The following CPOX variants were observed in gnomAD, a reference collection of about 807,000 sequenced individuals.
CPOX encodes coproporphyrinogen oxidase, also known as oxygen-dependent coproporphyrinogen-III oxidase, mitochondrial.
CPOX carries 24 observed loss-of-function variants against 48.9 expected under a neutral mutation model. The ratio of observed to expected loss-of-function variants is 0.49; its 90% CI spans 0.36 to 0.69. The LOEUF (loss-of-function observed/expected upper bound fraction) is 0.69. Among genes scored for constraint, CPOX ranks in the 30% least tolerant of loss-of-function variants. The pLI, the probability that CPOX is intolerant of heterozygous loss-of-function variation, is 0.00. For missense variants in CPOX, 549 were observed against 597.3 expected (o/e 0.92, Z 0.84); for synonymous variants, 249 against 234.6 (o/e 1.06, Z -0.56).
Position 98,579,486 on chromosome 3 carries a change from G to A in CPOX, c.*1197C>T. On this transcript the variant is annotated 3_prime_UTR_variant, in exon 7 of 7. Transcript: ENST00000647941. ...AATAAAATTTATTAGCAGATCTCTT[G>A]TAAGACAGTTGAAGAATTCATACAT... is the stretch of plus-strand genomic sequence containing the variant. 1.1e-6 allele frequency: 1 copy of A among 904,212 alleles called. No homozygotes were observed. Among genetic ancestry groups the A allele is most frequent in the Non-Finnish European group, 1.3e-6 (1 of 756,236 alleles). 56.0% of individuals were successfully genotyped at this position (904,212 alleles called of 1,614,324 possible).
At position 98,593,600 on chromosome 3, in the gene CPOX, A is replaced by T. The variant is rs896606387; in HGVS notation, c.-96T>A. 94 of 1,314,364 alleles carry T rather than the reference A, an allele frequency of 7.2e-5. No individual in the cohort carries two copies. Among genetic ancestry groups the T allele is most frequent in the Non-Finnish European group, 8.7e-5 (85 of 977,916 alleles). 81.4% of individuals were successfully genotyped at this position (1,314,364 alleles called of 1,614,324 possible). ...CCGGAGTATTGAGCCGGCGAGCTGC[A>T]CAGGCGGAAAGAACCTTTCGAGAAG... is the stretch of plus-strand genomic sequence containing the variant. On this transcript the variant is annotated 5_prime_UTR_variant, in exon 1 of 7. Coordinates refer to ENST00000647941, the MANE Select transcript of CPOX (RefSeq NM_000097.7).
intron 1 of CPOX, among the ~76,000 whole-genome samples, chr3:98,592,367 TG>T (rs1470900477): frequency 9.2e-5 from 14 of 152,156 alleles, no homozygotes. Context: ...TCAAGTATTT[TG>T]ATATTGGAAG....
In CPOX at chr3:98,593,419, T is replaced by G. The variant is rs886058952; in HGVS notation, c.86A>C (p.Gln29Pro). 1.4e-6 allele frequency: 2 copies of G among 1,457,352 alleles called. No homozygotes were observed. The highest frequency in any genetic ancestry group is 5.9e-5 in the East Asian group (2 of 34,080). The allele number at this position is 1,457,352 out of a possible 1,614,324, so 90.3% of individuals were successfully genotyped here. Reference sequence around the variant, plus strand: ...GGCTCGGAGCCCTCCGCCGCCGCACTGGGACCAGGCGCGGGGCCCTCCGCA... The same window carrying G: ...GGCTCGGAGCCCTCCGCCGCCGCACGGGGACCAGGCGCGGGGCCCTCCGCA... ...GGCGGPRAWSQCGGGGLRAWS... is the reference protein window; with the variant it reads ...GGCGGPRAWSPCGGGGLRAWS... Residue 29 changes from glutamine to proline, a missense_variant, in exon 1 of 7, where the codon CAG becomes CCG. Coordinates refer to ENST00000647941, the MANE Select transcript of CPOX (RefSeq NM_000097.7).
rs755296583 is a variant in CPOX, at chr3:98,588,705, T to C, written c.953+8A>G. 2 of 1,613,994 alleles carry C rather than the reference T, an allele frequency of 1.2e-6. No individual in the cohort carries two copies. Among genetic ancestry groups the C allele is most frequent in the African/African-American group, 1.3e-5 (1 of 74,904 alleles). On this transcript the variant is annotated splice_region_variant and intron_variant, in intron 4 of 6. Transcript: ENST00000647941. ...TTGGGGTCATGAAAGTTCAGTAACT[T>C]TACCTACCATTTTTTAAATTTGGGG...
chr3:98,577,867 C>G (rs1707185307), downstream of CPOX, among the ~76,000 whole-genome samples: 1 of 152,188 alleles, frequency 6.6e-6, no homozygotes, highest in Non-Finnish European at 1.5e-5. Flanking sequence ...AATATTGTAA[C>G]AGCAAAAGAC....
chr3:98,578,475 TA>T (rs916778504), downstream of CPOX, among the ~76,000 whole-genome samples: 3 of 152,218 alleles, frequency 2.0e-5, no homozygotes, highest in African/African-American at 7.2e-5. Context: ...ATTATTCACA[TA>T]TACAATAAAA....
At chr3:98,575,330 T>C (rs1377906595), downstream of CPOX, among the ~76,000 whole-genome samples, 1 of 152,236 alleles carries the variant, frequency 6.6e-6, no homozygotes, top group East Asian at 1.9e-4. Context: ...TGACAAGTTT[T>C]ATGTTCAAAC....
intron 4 of CPOX, among the ~76,000 whole-genome samples, chr3:98,586,857 T>A (rs1707373754): frequency 6.6e-6 from 1 of 152,106 alleles, no homozygotes; most frequent in African/African-American, 2.4e-5. Context: ...GGCAGGAGAA[T>A]GGCGTGAACC....
downstream of CPOX, chr3:98,579,359 A>G (rs1707208076): frequency 2.5e-6 from 1 of 394,356 alleles, no homozygotes; most frequent in Non-Finnish European, 3.4e-6. Context: ...TGGGGCCCCT[A>G]GCCCTAATGT....
Position 98,591,024 on chromosome 3 carries a change from T to A in CPOX, c.688A>T (p.Lys230Ter), listed in dbSNP as rs1707468417. Residue 230 changes from lysine (K) to a stop codon, truncating the protein, a stop_gained, in exon 2 of 7, where the codon AAG becomes TAG. Transcript: ENST00000647941. LOFTEE classifies it high-confidence loss of function. The stretch of plus-strand genomic sequence containing the variant: ...CTGTCTGATTTACCATCTTTAGTCT[T>A]CAGAACTTTTCCTCTGCTTCTCATT... Reference protein sequence around the residue: ...KQMRSRGKVLKTKDGKLPFCA... With the variant: ...KQMRSRGKVL 1 of 1,614,082 alleles carries A rather than the reference T, an allele frequency of 6.2e-7. No individual in the cohort carries two copies. The highest frequency in any genetic ancestry group is 1.3e-5 in the African/African-American group (1 of 74,934).
chr3:98,590,982 AT>A (rs747337203), intron 2 of CPOX, 29 bp downstream of exon 2: 3 of 1,613,264 alleles, frequency 1.9e-6, no homozygotes, highest in Non-Finnish European at 2.5e-6. Flanking sequence ...TGCAGGGACT[AT>A]TAGAGACTAT....
At chr3:98,574,830 C>T (rs1317272792), downstream of CPOX, among the ~76,000 whole-genome samples, 1 of 152,162 alleles carries the variant, frequency 6.6e-6, no homozygotes, top group South Asian at 2.1e-4. Context: ...CCACCCACCT[C>T]GGCCTCCCAA....
intron 3 of CPOX, among the ~76,000 whole-genome samples, chr3:98,589,187 T>C (rs908439778): frequency 2.6e-5 from 4 of 151,856 alleles, no homozygotes; most frequent in Non-Finnish European, 5.9e-5. Flanking sequence ...CCGGGTGTGG[T>C]GGTCACCTAT....
In CPOX at chr3:98,580,741, TTC is replaced by T; in HGVS notation, c.1305_1306del (p.Asn436PhefsTer5). On this transcript the variant is annotated frameshift_variant, in exon 7 of 7. Coordinates refer to ENST00000647941, the MANE Select transcript of CPOX (RefSeq NM_000097.7). LOFTEE classifies it high-confidence loss of function. ...TTCCAGAATTTCAGCTTCTTTGGAA[TTC>T]TCTGAGGGTGAATGCATGTACTCCC... 6.2e-7 allele frequency: 1 copy of T among 1,614,070 alleles called. No homozygotes were observed. Among genetic ancestry groups the T allele is most frequent in the Non-Finnish European group, 8.5e-7 (1 of 1,179,994 alleles).
At chr3:98,578,882 T>G (rs1707199427), downstream of CPOX, among the ~76,000 whole-genome samples, 1 of 152,238 alleles carries the variant, frequency 6.6e-6, no homozygotes, top group African/African-American at 2.4e-5. Flanking sequence ...TGAATAAAGC[T>G]GCTATGAAAA....
At chr3:98,573,059 C>T in the CPOX span, among the ~76,000 whole-genome samples, 14 of 152,310 alleles carry the variant, frequency 9.2e-5, no homozygotes, top group East Asian at 2.7e-3. Flanking sequence ...GGGGTATAAA[C>T]TCTAAATTGA....
intron 4 of CPOX, 35 bp from the exon 5 acceptor site, chr3:98,585,694 A>G: frequency 6.5e-7 from 1 of 1,531,494 alleles, no homozygotes; most frequent in Non-Finnish European, 9.0e-7. Flanking sequence ...CAGGGATCAA[A>G]TGGAAAAAAA....
At chr3:98,572,858 TA>T in the CPOX span, among the ~76,000 whole-genome samples, 1 of 152,220 alleles carries the variant, frequency 6.6e-6, no homozygotes, top group Non-Finnish European at 1.5e-5. Flanking sequence ...TAAAAACGTA[TA>T]CACTATTTGA....
At chr3:98,587,160 C>A (rs1454616247) in intron 4 of CPOX, among the ~76,000 whole-genome samples, 2 of 152,090 alleles carry the variant, frequency 1.3e-5, no homozygotes, top group Non-Finnish European at 2.9e-5. Flanking sequence ...CAAAAAACAA[C>A]AGATGCAAAT....
Sources: gnomAD v4.1 joint callset for allele counts (sites outside exome capture counted in the v4.1 genomes callset) on GRCh38, gnomAD v4.1.1 for gene constraint, MANE v1.5 for transcripts, NCBI Gene and HGNC (gene_info 2026-07-23, HGNC 2026-07-21) for gene names.